Variants in SH3BP4 observed in about 807,000 individuals in gnomAD.
SH3BP4 encodes SH3 domain-binding protein 4.
In SH3BP4, 33 loss-of-function variants were observed where a neutral mutation model predicts 65.5. That is an observed-to-expected ratio of 0.50 (90% CI 0.38 to 0.67). The LOEUF (loss-of-function observed/expected upper bound fraction) is 0.67. Ranked by LOEUF, SH3BP4 falls within the 30% of genes least tolerant of loss-of-function variation. The probability of loss-of-function intolerance (pLI) is 0.00; values close to 1 mark genes in which losing one functional copy is unlikely to be tolerated. For missense variants in SH3BP4, 1,134 were observed against 1,261.4 expected (o/e 0.90, Z 1.53); for synonymous variants, 552 against 545.5 (o/e 1.01, Z -0.17).
chr2:234,970,676 C>T (rs11684191), intron 1 of SH3BP4, among the ~76,000 whole-genome samples: 4,478 of 152,310 alleles, frequency 0.029, 105 homozygotes, highest in Non-Finnish European at 0.039. Context: ...CCTTGCATTC[C>T]GCCGCTAATT....
intron 1 of SH3BP4, among the ~76,000 whole-genome samples, chr2:234,985,666 T>C (rs1693529184): frequency 6.6e-6 from 1 of 152,228 alleles, no homozygotes; most frequent in African/African-American, 2.4e-5. Context: ...TGTCTGTTTG[T>C]AGCATCCTCC....
rs1051380921 is a variant in SH3BP4 at position 235,053,219 on chromosome 2, C to T, written c.2668-373C>T. On this transcript the variant is annotated intron_variant, in intron 5 of 5. Coordinates refer to ENST00000392011, the MANE Select transcript of SH3BP4 (RefSeq NM_014521.3). ...GCACCCTAGTAAGCTTCCTGGAAGA[C>T]GGTTCAGGCTTGCAAGATCCAGGAA... 3.9e-5 allele frequency among the ~76,000 whole-genome samples: 6 copies of T among 152,166 alleles called. No homozygotes were observed. In the South Asian group the frequency reaches 6.2e-4, roughly 16 times the overall value.
At chr2:234,968,520 G>A (rs13423561) in intron 1 of SH3BP4, among the ~76,000 whole-genome samples, 6,290 of 152,038 alleles carry the variant, frequency 0.041, 445 homozygotes, top group African/African-American at 0.14. Context: ...AATGCCTTCA[G>A]TGTTTGTGGT....
At position 235,014,690 on chromosome 2, in the gene SH3BP4, G is replaced by A. The variant is rs79665673; in HGVS notation, c.-133+19314G>A. 7.8e-3 allele frequency among the ~76,000 whole-genome samples: 1,179 copies of A among 152,122 alleles called. 12 individuals carry two copies. The highest frequency in any genetic ancestry group is 0.025 in the African/African-American group (1,025 of 41,486). On this transcript the variant is annotated intron_variant, in intron 2 of 5. Coordinates refer to ENST00000392011, the MANE Select transcript of SH3BP4 (RefSeq NM_014521.3). ...GCTTGCGGTTGGTCACCTTCTCACC[G>A]GGTCTTCACATCACCTTTCCTTGTT...
intron 3 of SH3BP4, among the ~76,000 whole-genome samples, chr2:235,040,460 A>G (rs891376073): frequency 1.7e-4 from 25 of 151,470 alleles, no homozygotes; most frequent in African/African-American, 6.1e-4. Context: ...GTCCCTGATC[A>G]CATGCAGTGG....
Position 235,052,779 on chromosome 2 carries a change from C to T in SH3BP4, c.2667+29C>T, listed in dbSNP as rs925895981. On this transcript the variant is annotated intron_variant, in intron 5 of 5. Transcript: ENST00000392011. The surrounding 1 kb of genome is among the most constrained non-coding windows in gnomAD (Gnocchi z 5.0). ...AGCAGCGGCTGAGCTTCGAGCTCAC[C>T]GAGCCCCTCTGTCCCTGGGTTCCGT... 8 of 1,533,376 alleles carry T rather than the reference C, an allele frequency of 5.2e-6. No homozygotes were observed. In the Admixed American group the frequency reaches 6.0e-5, roughly 11 times the overall value. The allele number at this position is 1,533,376 out of a possible 1,614,324, so 95.0% of individuals were successfully genotyped here.
chr2:235,000,804 C>G (rs968136945), intron 2 of SH3BP4, among the ~76,000 whole-genome samples: 2 of 152,216 alleles, frequency 1.3e-5, no homozygotes, highest in East Asian at 3.9e-4. Flanking sequence ...ATCTGGTGCC[C>G]CACACACTGG....
intron 2 of SH3BP4, among the ~76,000 whole-genome samples, chr2:235,027,726 A>C (rs557475596): frequency 1.3e-5 from 2 of 152,356 alleles, no homozygotes; most frequent in African/African-American, 4.8e-5. Flanking sequence ...GATCCCCTCC[A>C]GGCCAGCTGC....
At position 234,997,597 on chromosome 2, in the gene SH3BP4, G is replaced by A. The variant is rs1413313913; in HGVS notation, c.-133+2221G>A. On this transcript the variant is annotated intron_variant, in intron 2 of 5. Coordinates refer to ENST00000392011, the MANE Select transcript of SH3BP4 (RefSeq NM_014521.3). This position sits in a 1 kb window ranked among gnomAD's most constrained non-coding sequence, Gnocchi z 4.2. ...CTCCGGGGAGTGTCAGCTAGGGGAC[G>A]GAGCCGGTGCGGAGATCGAGGCCCC... Among the ~76,000 whole-genome samples, 2 of 152,138 alleles carry A rather than the reference G, an allele frequency of 1.3e-5. No individual in the cohort carries two copies. The highest frequency in any genetic ancestry group is 2.4e-5 in the African/African-American group (1 of 41,416).
chr2:235,028,137 A>T (rs984557546), intron 2 of SH3BP4, among the ~76,000 whole-genome samples: 10 of 152,226 alleles, frequency 6.6e-5, no homozygotes, highest in Non-Finnish European at 1.0e-4. Flanking sequence ...GCACAGAAAA[A>T]GGAAAAACTT....
chr2:235,012,975 G>A (rs1383219471), intron 2 of SH3BP4, among the ~76,000 whole-genome samples: 1 of 152,226 alleles, frequency 6.6e-6, no homozygotes, highest in Non-Finnish European at 1.5e-5. Context: ...GACGCCGAAT[G>A]TGCACGCTCC....
At chr2:235,047,200 T>C (rs187089115) in intron 4 of SH3BP4, among the ~76,000 whole-genome samples, 152 of 152,280 alleles carry the variant, frequency 1.0e-3, no homozygotes, top group South Asian at 3.1e-3. Context: ...TGGCCAAATA[T>C]ACATATTCAA....
chr2:235,036,740 A>AAAAAAAAAAAAAAAAAAT (rs146049108), intron 3 of SH3BP4, among the ~76,000 whole-genome samples: 11 of 141,772 alleles, frequency 7.8e-5, no homozygotes, highest in African/African-American at 3.0e-4. Context: ...TCTATATAAA[A>AAAAAAAAAAAAAAAAAAT]AATAATAATA....
chr2:235,008,374 G>A (rs1664298136), intron 2 of SH3BP4, among the ~76,000 whole-genome samples: 1 of 152,206 alleles, frequency 6.6e-6, no homozygotes, highest in Non-Finnish European at 1.5e-5. Flanking sequence ...GCCCAGGAGG[G>A]CCAGAGAGAA....
In SH3BP4 at chr2:235,053,869, C is replaced by T. The variant is rs10929083; in HGVS notation, c.*53C>T. On this transcript the variant is annotated 3_prime_UTR_variant, in exon 6 of 6. Transcript: ENST00000392011. Reference sequence around the variant, plus strand: ...GGAGTGCAAGCCCTCTTCTGCCCTGCGTGCCCTGCTGTCACCGCGGAGCTG... The same window carrying T: ...GGAGTGCAAGCCCTCTTCTGCCCTGTGTGCCCTGCTGTCACCGCGGAGCTG... 0.18 allele frequency: 260,116 copies of T among 1,413,086 alleles called. 25,951 individuals carry two copies. Among genetic ancestry groups the T allele is most frequent in the East Asian group, 0.41 (17,913 of 43,704 alleles). 87.5% of individuals were successfully genotyped at this position (1,413,086 alleles called of 1,614,324 possible).
In SH3BP4 at chr2:235,041,816, G is replaced by A. The variant is rs759851520; in HGVS notation, c.1047G>A (p.Gly349=). Residue 349 remains glycine (G), a synonymous_variant, in exon 4 of 6, where the codon GGG becomes GGA. Transcript: ENST00000392011. This position sits in a 1 kb window ranked among gnomAD's most constrained non-coding sequence, Gnocchi z 6.0. ...TGCCCGAGGGCCACGTCGCCCCTGG[G>A]GAGACCCAGCAGATCTCCATGAAAG... ...IHVPEGHVAP[G]ETQQISMKAL... The A allele has an allele frequency of 3.1e-6, 5 of 1,599,016 alleles. No homozygotes were observed. The highest frequency in any genetic ancestry group is 4.5e-5 in the East Asian group (2 of 44,628).
At chr2:234,965,972 A>T (rs943429375) in intron 1 of SH3BP4, among the ~76,000 whole-genome samples, 2 of 152,148 alleles carry the variant, frequency 1.3e-5, no homozygotes, top group African/African-American at 4.8e-5. Context: ...CAAAAATAAC[A>T]ATTGTTGTTT....
At chr2:235,044,076 A>G (rs2106337145) in intron 4 of SH3BP4, among the ~76,000 whole-genome samples, 1 of 152,346 alleles carries the variant, frequency 6.6e-6, no homozygotes, top group Non-Finnish European at 1.5e-5. Context: ...CTCTGACTCC[A>G]GAGTCCCACG....
In SH3BP4 at chr2:234,974,485, G is replaced by C. The variant is rs964988; in HGVS notation, c.-206-20818G>C. 0.13 allele frequency among the ~76,000 whole-genome samples: 19,331 copies of C among 152,254 alleles called. 1,545 individuals carry two copies. The highest frequency in any genetic ancestry group is 0.22 in the African/African-American group (9,222 of 41,524). ...GGCAGGATGAGTTGCTCTGTGGACA[G>C]GCAGCCCTGGAGCTAACAGGAGTAT... On this transcript the variant is annotated intron_variant, in intron 1 of 5. Coordinates refer to ENST00000392011, the MANE Select transcript of SH3BP4 (RefSeq NM_014521.3). This position sits in a 1 kb window ranked among gnomAD's most constrained non-coding sequence, Gnocchi z 4.6.
Sources: allele counts gnomAD v4.1 joint callset (sites outside exome capture counted in the v4.1 genomes callset), GRCh38; gene constraint gnomAD v4.1.1; non-coding constraint Gnocchi (gnomAD v3.1); transcripts MANE v1.5; gene names NCBI Gene and HGNC (gene_info 2026-07-23, HGNC 2026-07-21).